Variants in MZF1 observed in about 807,000 individuals in gnomAD.
MZF1 encodes myeloid zinc finger 1.
In MZF1, 24 loss-of-function variants were observed where a neutral mutation model predicts 28.6. That is an observed-to-expected ratio of 0.84 (90% confidence interval 0.61 to 1.18). The LOEUF (loss-of-function observed/expected upper bound fraction) is 1.18. Among genes scored for constraint, MZF1 ranks in the 50% most tolerant of loss-of-function variants. MZF1 has a pLI of 0.00. For missense variants in MZF1, 1,166 were observed against 1,026.4 expected (o/e 1.14, Z -1.86); for synonymous variants, 516 against 432.5 (o/e 1.19, Z -2.40).
intron 5 of MZF1, among the ~76,000 whole-genome samples, chr19:58,565,768 G>A (rs533735193): frequency 1.1e-4 from 16 of 144,508 alleles, no homozygotes; most frequent in African/African-American, 3.3e-4. Context: ...TCCTGACCTC[G>A]TGATCCGCCC....
chr19:58,563,248 C>T lies in MZF1; in HGVS notation c.1029G>A (p.Arg343=). The change falls in exon 6 of 6, where the codon CGG becomes CGA. Residue 343 remains arginine (R), a synonymous_variant. Transcript: ENST00000215057. ...TRWRSPRGRS[R]GRPSTGGGVV... ...CCCCGCCCCCAGTGCTGGGGCGGCC[C>T]CGGCTCCGGCCCCTGGGGGAGCGCC... 1 of 1,607,836 alleles carries T rather than the reference C, an allele frequency of 6.2e-7. No individual in the cohort carries two copies. Among genetic ancestry groups the T allele is most frequent in the South Asian group, 1.1e-5 (1 of 90,482 alleles).
intron 5 of MZF1, 103 bp downstream of exon 5, chr19:58,569,174 T>C (rs1385757032): frequency 1.4e-6 from 2 of 1,399,682 alleles, no homozygotes; most frequent in African/African-American, 1.5e-5. Context: ...AACTTGGGGA[T>C]GCTGGAGTAA....
chr19:58,572,757 C>T (rs972657515), intron 1 of MZF1: 51 of 553,550 alleles, frequency 9.2e-5, no homozygotes, highest in Middle Eastern at 6.1e-4. Context: ...ATGGCAGGTA[C>T]CTACGGAGGG....
At position 58,562,908 on chromosome 19, in the gene MZF1, G is replaced by A. The variant is rs2053961571; in HGVS notation, c.1369C>T (p.Gln457Ter). The A allele has an allele frequency of 6.3e-7, 1 of 1,588,424 alleles. No homozygotes were observed. The highest frequency in any genetic ancestry group is 8.5e-7 in the Non-Finnish European group (1 of 1,172,928). The change falls in exon 6 of 6, where the codon CAG (glutamine) becomes TAG (stop). Residue 457 changes from glutamine to a stop codon, truncating the protein, a stop_gained. Coordinates refer to ENST00000215057, the MANE Select transcript of MZF1 (RefSeq NM_198055.2). LOFTEE classifies it low-confidence loss of function (END_TRUNC). ...GGATCGCCGTGGATGCGCTGGTGCTGCAGCAGATTGGAGCGCTGCCGGAAG... is the reference window on the plus strand; with the variant it reads ...GGATCGCCGTGGATGCGCTGGTGCTACAGCAGATTGGAGCGCTGCCGGAAG... The part of the protein sequence containing the change: ...QSFRQRSNLL[Q>*]HQRIHGDPPG...
chr19:58,569,470 C>A, intron 4 of MZF1, 46 bp downstream of exon 4: 1 of 1,613,134 alleles, frequency 6.2e-7, no homozygotes, highest in Non-Finnish European at 8.5e-7. Context: ...CCCCACCCAG[C>A]AACTTCCAGG....
Position 58,573,054 on chromosome 19 carries a change from C to A in MZF1, c.-41+1G>T. The A allele has an allele frequency of 6.4e-6, 1 of 157,432 alleles. No homozygotes were observed. 9.8% of individuals were successfully genotyped at this position (157,432 alleles called of 1,614,324 possible). Reference sequence around the variant, plus strand: ...CCCGGTTAAGAGGACCCCGCCCTCACCTCTGCGCTCAGCGGGCCGCTCCGC... The same window carrying A: ...CCCGGTTAAGAGGACCCCGCCCTCAACTCTGCGCTCAGCGGGCCGCTCCGC... On this transcript the variant is annotated splice_donor_variant, in intron 1 of 5. Transcript: ENST00000215057. LOFTEE classifies it low-confidence loss of function (5UTR_SPLICE).
chr19:58,572,547 G>C (rs1048242186), intron 1 of MZF1: 12 of 1,289,310 alleles, frequency 9.3e-6, no homozygotes, highest in Non-Finnish European at 1.1e-5. Context: ...AAGTGGGGCT[G>C]ACCTCCCTCC....
At position 58,562,520 on chromosome 19, in the gene MZF1, T is replaced by C. The variant is rs867981151; in HGVS notation, c.1757A>G (p.Gln586Arg). The C allele has an allele frequency of 6.2e-7, 1 of 1,609,724 alleles. No homozygotes were observed. The highest frequency in any genetic ancestry group is 2.2e-5 in the East Asian group (1 of 44,698). ...CTCGCCCGTGTGTACGCGGAGATGCTGCGTGAGCGTAGGCCGCTGGCGGAA... is the reference window on the plus strand; with the variant it reads ...CTCGCCCGTGTGTACGCGGAGATGCCGCGTGAGCGTAGGCCGCTGGCGGAA... ...KAFRQRPTLT[Q>R]HLRVHTGEKP... Residue 586 changes from glutamine to arginine, a missense_variant, in exon 6 of 6, where the codon CAG (glutamine) becomes CGG (arginine). Physicochemically the swap from Gln to Arg is conservative, Grantham distance 43. Transcript: ENST00000215057.
intron 5 of MZF1, chr19:58,563,761 C>A (rs2053985468): frequency 1.2e-5 from 5 of 408,070 alleles, no homozygotes; most frequent in Admixed American, 4.4e-5. Flanking sequence ...TGGAAAAAAT[C>A]GTTTTTGGAA....
chr19:58,562,019 C>G lies in MZF1; in HGVS notation c.*53G>C. The stretch of plus-strand genomic sequence containing the variant: ...TATGTAATCGCCAGCCTCACAATAA[C>G]CAGGGGAGGTAGGTGTTCTGACCAT... On this transcript the variant is annotated 3_prime_UTR_variant, in exon 6 of 6. Coordinates refer to ENST00000215057, the MANE Select transcript of MZF1 (RefSeq NM_198055.2). 6.6e-7 allele frequency: 1 copy of G among 1,511,820 alleles called. No homozygotes were observed. Among genetic ancestry groups the G allele is most frequent in the Admixed American group, 2.0e-5 (1 of 50,022 alleles). 93.7% of individuals were successfully genotyped at this position (1,511,820 alleles called of 1,614,324 possible).
chr19:58,570,621 A>G (rs1219989754), intron 2 of MZF1, 94 bp from the exon 3 acceptor site: 3 of 1,360,042 alleles, frequency 2.2e-6, no homozygotes, highest in Middle Eastern at 2.6e-4. Context: ...GTAGGATCCC[A>G]GGGGCCTGCC....
In MZF1 at chr19:58,571,233, C is replaced by T. The variant is rs2054156934; in HGVS notation, c.157G>A (p.Glu53Lys). ...ARLRFRCFRY[E>K]EATGPQEALA... ...GCCTCTTGGGGCCCTGTGGCCTCCTCATAGCGGAAGCACCGGAAACGCAGG... is the reference window on the plus strand; with the variant it reads ...GCCTCTTGGGGCCCTGTGGCCTCCTTATAGCGGAAGCACCGGAAACGCAGG... The change falls in exon 2 of 6, where the codon GAG (glutamate) becomes AAG (lysine). Residue 53 changes from glutamate to lysine, a missense_variant. Transcript: ENST00000215057. 6.2e-7 allele frequency: 1 copy of T among 1,612,672 alleles called. No individual in the cohort carries two copies. Among genetic ancestry groups the T allele is most frequent in the Non-Finnish European group, 8.5e-7 (1 of 1,179,314 alleles).
rs1179715202 is a variant in MZF1, at chr19:58,562,670, CTG to C, written c.1605_1606del (p.His535GlnfsTer94). 2 of 1,537,848 alleles carry C rather than the reference CTG, an allele frequency of 1.3e-6. No homozygotes were observed. The highest frequency in any genetic ancestry group is 8.7e-7 in the Non-Finnish European group (1 of 1,148,504). ...GGCACAGGCGAAGGGCCGCTCGCCACTGTGCACGCGCCGGTGCTGCAGCAGCA... is the reference window on the plus strand; with the variant it reads ...GGCACAGGCGAAGGGCCGCTCGCCACTGCACGCGCCGGTGCTGCAGCAGCA... On this transcript the variant is annotated frameshift_variant, in exon 6 of 6. Coordinates refer to ENST00000215057, the MANE Select transcript of MZF1 (RefSeq NM_198055.2). LOFTEE classifies it low-confidence loss of function (END_TRUNC).
At chr19:58,571,592 G>T in intron 1 of MZF1, 163 bp from the exon 2 acceptor site, 1 of 667,632 alleles carries the variant, frequency 1.5e-6, no homozygotes, top group Non-Finnish European at 2.5e-6. Context: ...TATGCAGCTG[G>T]AAGCCCTCCC....
At chr19:58,565,126 T>C (rs2054022620) in intron 5 of MZF1, among the ~76,000 whole-genome samples, 3 of 149,296 alleles carry the variant, frequency 2.0e-5, no homozygotes, top group Non-Finnish European at 4.4e-5. Flanking sequence ...GTAGTTTTGC[T>C]CTTGTTGCCC....
At chr19:58,569,254 C>T (rs778749901) in intron 5 of MZF1, 23 bp downstream of exon 5, 7 of 1,571,660 alleles carry the variant, frequency 4.5e-6, no homozygotes, top group Middle Eastern at 4.4e-4. Flanking sequence ...AGGCCTAGTC[C>T]CACCACACCC....
intron 1 of MZF1, chr19:58,572,531 A>G (rs753823939): frequency 7.0e-6 from 9 of 1,288,152 alleles, no homozygotes; most frequent in Non-Finnish European, 8.1e-6. Flanking sequence ...TTGTTTCCCC[A>G]TTTGCAAGTG....
intron 1 of MZF1, chr19:58,572,664 G>A (rs1261869718): frequency 3.2e-6 from 4 of 1,268,580 alleles, no homozygotes; most frequent in Non-Finnish European, 4.1e-6. Flanking sequence ...TTCGAGGGCC[G>A]CCTCATCCTG....
chr19:58,565,910 G>A (rs1260592726), intron 5 of MZF1, among the ~76,000 whole-genome samples: 2 of 148,906 alleles, frequency 1.3e-5, no homozygotes, highest in Non-Finnish European at 3.0e-5. Context: ...GGAGGCCGAG[G>A]CGGGTGGATC....
Sources: gnomAD v4.1 joint callset for allele counts (sites outside exome capture counted in the v4.1 genomes callset) on GRCh38, gnomAD v4.1.1 for gene constraint, MANE v1.5 for transcripts, NCBI Gene and HGNC (gene_info 2026-07-23, HGNC 2026-07-21) for gene names.